ATP1B4: variants seen among roughly 807,000 people sequenced by gnomAD.
ATP1B4 encodes protein ATP1B4.
A neutral mutation model predicts 29.6 loss-of-function variants in ATP1B4; 32 were observed. That is an observed-to-expected ratio of 1.08 (90% confidence interval 0.82 to 1.45). The LOEUF (loss-of-function observed/expected upper bound fraction) is 1.45, where lower values mean the gene tolerates loss of function less well. ATP1B4 is among the 40% of genes most tolerant of loss of function. The probability of loss-of-function intolerance (pLI) is 0.00; values close to 1 mark genes in which losing one functional copy is unlikely to be tolerated. For synonymous variants in ATP1B4, 127 were observed against 102.1 expected (o/e 1.24, Z -1.47); for missense variants, 323 against 276.2 (o/e 1.17, Z -1.20).
chrX:120,370,382 A>G (rs1363506730), intron 2 of ATP1B4, among the ~76,000 whole-genome samples: 1 of 111,882 alleles, frequency 8.9e-6, no homozygotes, highest in Non-Finnish European at 1.9e-5. Context: ...AATGATTTGT[A>G]CTTAGGACAT....
At chrX:120,370,604 A>G in intron 2 of ATP1B4, 111 bp from the exon 3 acceptor site, 1 of 977,563 alleles carries the variant, frequency 1.0e-6, no homozygotes, top group Non-Finnish European at 1.4e-6. Flanking sequence ...AATCTGAGGA[A>G]TTTTTTAAAG....
chrX:120,373,291 T>TA (rs747595115), intron 4 of ATP1B4, among the ~76,000 whole-genome samples: 2 of 112,319 alleles, frequency 1.8e-5, no homozygotes, highest in African/African-American at 3.2e-5. Context: ...GTTCTTGCTC[T>TA]AAAAAAATTA....
chrX:120,375,621 G>A (rs2058349917), intron 5 of ATP1B4, 53 bp downstream of exon 5: 1 of 1,028,467 alleles, frequency 9.7e-7, no homozygotes, highest in South Asian at 2.3e-5. Context: ...TAGATAGGAG[G>A]GCTCTGGCCA....
chrX:120,370,825 G>T lies in ATP1B4; in HGVS notation c.439G>T (p.Glu147Ter). ...TISPYIPTFT[E>*]RVKPPGVMIR... Reference sequence around the variant, plus strand: ...CAGTCCCTATATACCAACCTTCACGGAGCGGGTAAAGCCTCCTGGTGAGTG... The same window carrying T: ...CAGTCCCTATATACCAACCTTCACGTAGCGGGTAAAGCCTCCTGGTGAGTG... Residue 147 changes from glutamate (E) to a stop codon, truncating the protein, a stop_gained, in exon 3 of 8, where the codon GAG becomes TAG. Transcript: ENST00000218008. LOFTEE classifies it high-confidence loss of function. The T allele has an allele frequency of 8.3e-7, 1 of 1,210,743 alleles. No individual in the cohort carries two copies. The highest frequency in any genetic ancestry group is 3.0e-5 in the East Asian group (1 of 33,845).
At chrX:120,379,432 C>T in intron 7 of ATP1B4, 41 bp from the exon 8 acceptor site, 2 of 1,153,656 alleles carry the variant, frequency 1.7e-6, no homozygotes, top group East Asian at 3.0e-5. Flanking sequence ...TCCCTCCTAC[C>T]ACCTCCCCAC....
intron 2 of ATP1B4, among the ~76,000 whole-genome samples, chrX:120,368,740 C>T (rs1017027850): frequency 2.7e-5 from 3 of 111,590 alleles, no homozygotes; most frequent in Non-Finnish European, 5.6e-5. Context: ...GGACTTGACA[C>T]GGTGTTTTAG....
intron 3 of ATP1B4, 35 bp from the exon 4 acceptor site, chrX:120,371,071 G>C (rs1214538688): frequency 8.8e-7 from 1 of 1,131,448 alleles, no homozygotes; most frequent in Non-Finnish European, 1.2e-6. Context: ...TCCCAAGAAT[G>C]GGTTAATATA....
Position 120,376,384 on chromosome X carries a change from T to C in ATP1B4, c.764T>C (p.Val255Ala). The C allele has an allele frequency of 8.3e-7, 1 of 1,210,153 alleles. No individual in the cohort carries two copies. The highest frequency in any genetic ancestry group is 1.1e-6 in the Non-Finnish European group (1 of 894,224). Residue 255 changes from valine to alanine, a missense_variant, in exon 6 of 8, where the codon GTA becomes GCA. Physicochemically the swap from Val to Ala is moderately conservative, Grantham distance 64. Coordinates refer to ENST00000218008, the MANE Select transcript of ATP1B4 (RefSeq NM_001142447.3). ...ACACTGGTTTTCTTTTGATAGATTG[T>C]AGGCTTTCGTCCTGAGCTTGGAGAT... ...PCILLKMNRIVGFRPELGDPV... is the reference protein window; with the variant it reads ...PCILLKMNRIAGFRPELGDPV...
chrX:120,376,428 A>T lies in ATP1B4; in HGVS notation c.808A>T (p.Lys270Ter), dbSNP rs2058356089. 1 of 1,207,755 alleles carries T rather than the reference A, an allele frequency of 8.3e-7. No homozygotes were observed. The highest frequency in any genetic ancestry group is 1.7e-5 in the African/African-American group (1 of 57,267). The change falls in exon 6 of 8, where the codon AAA becomes TAA. Residue 270 changes from lysine to a stop codon, truncating the protein, a stop_gained. Transcript: ENST00000218008. LOFTEE classifies it high-confidence loss of function. ...TGGAGATCCTGTGAAGGTTTCCTGC[A>T]AAGTTCAGGTAAAGAGTCCTTTTGA... ...ELGDPVKVSCKVQRGDENDIR... is the reference protein window; with the variant it reads ...ELGDPVKVSC
At chrX:120,369,509 A>G (rs958355926) in intron 2 of ATP1B4, among the ~76,000 whole-genome samples, 3 of 112,112 alleles carry the variant, frequency 2.7e-5, no homozygotes, top group Admixed American at 9.5e-5. Context: ...GGTTTGTTCC[A>G]GTTTCTGGTT....
chrX:120,378,726 G>T lies in ATP1B4; in HGVS notation c.865G>T (p.Ala289Ser). 8.3e-7 allele frequency: 1 copy of T among 1,211,081 alleles called. No individual in the cohort carries two copies. The highest frequency in any genetic ancestry group is 1.1e-6 in the Non-Finnish European group (1 of 895,135). The change falls in exon 7 of 8, where the codon GCT (alanine) becomes TCT (serine). Residue 289 changes from alanine (A) to serine (S), a missense_variant. Coordinates refer to ENST00000218008, the MANE Select transcript of ATP1B4 (RefSeq NM_001142447.3). The part of the protein sequence containing the change: ...IRSISYYPES[A>S]SFDLRYYPYY... ...ATCCATCAGTTACTACCCAGAGTCG[G>T]CTTCTTTTGACCTCCGCTACTACCC...
rs2058383902 is a variant in ATP1B4 at position 120,382,197 on chromosome X, TC to T, written c.*2566del. 9.0e-6 allele frequency: 1 copy of T among 111,505 alleles called. No homozygotes were observed. The highest frequency in any genetic ancestry group is 3.3e-5 in the African/African-American group (1 of 30,611). 9.2% of individuals were successfully genotyped at this position (111,505 alleles called of 1,213,427 possible). A position where few individuals can be genotyped will look rare whatever the true frequency, so the allele number is the denominator to read the frequency against. The stretch of plus-strand genomic sequence containing the variant: ...TTGCTGTTCCTCTTTGGAATCTCCT[TC>T]CCAGACACCTTCAAAGTCTTATTGA... On this transcript the variant is annotated 3_prime_UTR_variant, in exon 8 of 8. Transcript: ENST00000218008.
At position 120,366,541 on chromosome X, in the gene ATP1B4, C is replaced by T. The variant is rs573970199; in HGVS notation, c.80C>T (p.Ala27Val). 7.5e-6 allele frequency: 9 copies of T among 1,206,158 alleles called. No individual in the cohort carries two copies. The South Asian group carries it at 1.1e-4, about 14-fold the overall frequency. ...YRYRLDDPDE[A>V]NQNYLADEEE... ...CTGTTCCAGGATGATCCGGATGAAGCGAACCAGAACTACTTAGCAGATGAA... is the reference window on the plus strand; with the variant it reads ...CTGTTCCAGGATGATCCGGATGAAGTGAACCAGAACTACTTAGCAGATGAA... The change falls in exon 2 of 8, where the codon GCG (alanine) becomes GTG (valine). Residue 27 changes from alanine (A) to valine (V), a missense_variant. By Grantham distance (64) the Ala-to-Val change is moderately conservative. Transcript: ENST00000218008.
chrX:120,377,005 T>C (rs1045649520), intron 6 of ATP1B4, among the ~76,000 whole-genome samples: 1 of 112,001 alleles, frequency 8.9e-6, no homozygotes, highest in Admixed American at 9.5e-5. Context: ...TTAGCTCCCT[T>C]GTAGGAAAAA....
intron 2 of ATP1B4, among the ~76,000 whole-genome samples, chrX:120,368,974 A>G (rs774550704): frequency 1.8e-5 from 2 of 111,799 alleles, no homozygotes; most frequent in South Asian, 7.6e-4. Context: ...CACCTATCAT[A>G]AACTCTAGGG....
intron 7 of ATP1B4, among the ~76,000 whole-genome samples, chrX:120,379,047 C>T (rs947250412): frequency 7.2e-5 from 8 of 111,442 alleles, no homozygotes; most frequent in African/African-American, 2.6e-4. Flanking sequence ...GACCATACAG[C>T]TAAGTTAGTG....
intron 2 of ATP1B4, among the ~76,000 whole-genome samples, chrX:120,369,079 A>G (rs185946609): frequency 8.9e-6 from 1 of 112,365 alleles, no homozygotes; most frequent in Non-Finnish European, 1.9e-5. Context: ...AAAGGAAGAT[A>G]TCTCCAAAGG....
In ATP1B4 at chrX:120,374,667, A is replaced by T. The variant is rs1464259847; in HGVS notation, c.563-705A>T. On this transcript the variant is annotated intron_variant, in intron 4 of 7. Coordinates refer to ENST00000218008, the MANE Select transcript of ATP1B4 (RefSeq NM_001142447.3). ...ATTATATATATATAATATAATATAT[A>T]ATATATATATTATATACCCTTATAT... 2.2e-3 allele frequency among the ~76,000 whole-genome samples: 10 copies of T among 4,514 alleles called. 1 individual carries two copies. In the East Asian group the frequency reaches 0.1, roughly 47 times the overall value. 3.9% of individuals were successfully genotyped at this position (4,514 alleles called of 115,157 possible). A position where few individuals can be genotyped will look rare whatever the true frequency, so the allele number is the denominator to read the frequency against.
intron 5 of ATP1B4, among the ~76,000 whole-genome samples, chrX:120,375,839 G>C (rs1053773790): frequency 2.7e-5 from 3 of 109,677 alleles, no homozygotes. Context: ...GCAGTGGCTC[G>C]AGGTTATAAT....
Sources: allele counts gnomAD v4.1 joint callset (sites outside exome capture counted in the v4.1 genomes callset), GRCh38; gene constraint gnomAD v4.1.1; transcripts MANE v1.5; gene names NCBI Gene and HGNC (gene_info 2026-07-23, HGNC 2026-07-21).